COLEC12: variants seen among roughly 807,000 people sequenced by gnomAD.
COLEC12 encodes the protein collectin-12.
Under a neutral mutation model 71.1 loss-of-function variants are expected in COLEC12, and 33 were observed. That is an observed-to-expected ratio of 0.46 (90% confidence interval 0.35 to 0.62). The LOEUF is 0.62. Among genes scored for constraint, COLEC12 ranks in the 20% least tolerant of loss-of-function variants. The pLI is 0.00. For missense variants in COLEC12, 765 were observed against 916.1 expected (o/e 0.84, Z 2.13); for synonymous variants, 350 against 353.0 (o/e 0.99, Z 0.10).
At chr18:386,203 T>C (rs17452998) in intron 2 of COLEC12, among the ~76,000 whole-genome samples, 21,122 of 152,232 alleles carry the variant, frequency 0.14, 1,568 homozygotes, top group Admixed American at 0.2. Context: ...CCTTAGATTA[T>C]GTCCCTTTGA....
intron 2 of COLEC12, among the ~76,000 whole-genome samples, chr18:378,437 C>T (rs1915160339): frequency 2.0e-5 from 3 of 152,324 alleles, no homozygotes; most frequent in South Asian, 4.1e-4. Flanking sequence ...GGAGACTATT[C>T]TTCCATTCTT....
At chr18:413,836 C>T (rs1339539119) in intron 2 of COLEC12, among the ~76,000 whole-genome samples, 1 of 152,186 alleles carries the variant, frequency 6.6e-6, no homozygotes, top group Non-Finnish European at 1.5e-5. Flanking sequence ...AGTACTAATA[C>T]ATGCAACAGT....
At chr18:324,569 C>G (rs1346425614) in intron 8 of COLEC12, among the ~76,000 whole-genome samples, 3 of 152,062 alleles carry the variant, frequency 2.0e-5, no homozygotes, top group Admixed American at 1.3e-4. Context: ...TGGCTCACAC[C>G]TGTAATCCCA....
At chr18:406,371 C>T (rs34837868) in intron 2 of COLEC12, among the ~76,000 whole-genome samples, 21,366 of 151,370 alleles carry the variant, frequency 0.14, 2,003 homozygotes, top group East Asian at 0.32. Flanking sequence ...TAGCCAGGCG[C>T]GGTGGCGGGC....
intron 5 of COLEC12, among the ~76,000 whole-genome samples, chr18:338,338 A>G (rs1229146893): frequency 1.3e-5 from 2 of 152,212 alleles, no homozygotes; most frequent in East Asian, 3.8e-4. Context: ...ATACATGCGC[A>G]TCATGGTTAA....
At chr18:418,423 C>T (rs1207772507) in intron 2 of COLEC12, among the ~76,000 whole-genome samples, 1 of 152,172 alleles carries the variant, frequency 6.6e-6, no homozygotes, top group East Asian at 1.9e-4. Context: ...CTAACTCAAT[C>T]CTGGGTCTGT....
chr18:360,659 A>G (rs1914725584), intron 2 of COLEC12, among the ~76,000 whole-genome samples: 1 of 152,136 alleles, frequency 6.6e-6, no homozygotes, highest in Non-Finnish European at 1.5e-5. Flanking sequence ...GGGAGGAGCT[A>G]AGATTCTACA....
chr18:466,683 G>A (rs1412619205), intron 2 of COLEC12, among the ~76,000 whole-genome samples: 1 of 152,200 alleles, frequency 6.6e-6, no homozygotes, highest in Admixed American at 6.5e-5. Context: ...CTGAGGAATT[G>A]TTCCAGGTAC....
At chr18:486,387 G>T (rs554791837) in intron 1 of COLEC12, among the ~76,000 whole-genome samples, 1 of 152,304 alleles carries the variant, frequency 6.6e-6, no homozygotes, top group African/African-American at 2.4e-5. Context: ...GTTTTGCCAT[G>T]TTGGTCAGGC....
In COLEC12 at chr18:484,805, C is replaced by T. The variant is rs553456927; in HGVS notation, c.8-4048G>A. On this transcript the variant is annotated intron_variant, in intron 1 of 9. Transcript: ENST00000400256. ...TTCAGGGCAGAAAAAGCTTGGTGCACAGTTTACTCGCTTAGGTGTTCCCCC... is the reference window on the plus strand; with the variant it reads ...TTCAGGGCAGAAAAAGCTTGGTGCATAGTTTACTCGCTTAGGTGTTCCCCC... Among the ~76,000 whole-genome samples the T allele has an allele frequency of 2.0e-5, 3 of 152,312 alleles. No individual in the cohort carries two copies. In the South Asian group the frequency reaches 6.2e-4, roughly 32 times the overall value.
rs371339317 is a variant in COLEC12, at chr18:329,767, CAT to C, written c.2063+1899_2063+1900del. Among the ~76,000 whole-genome samples the C allele has an allele frequency of 1.8e-3, 271 of 152,334 alleles. 2 individuals carry two copies. The highest frequency in any genetic ancestry group is 5.6e-3 in the South Asian group (27 of 4,824). On this transcript the variant is annotated intron_variant, in intron 8 of 9. Coordinates refer to ENST00000400256, the MANE Select transcript of COLEC12 (RefSeq NM_130386.3). The stretch of plus-strand genomic sequence containing the variant: ...AATGTTCCAAATCAATATTTCGCCA[CAT>C]GTTTATTTTTTATAAAGAGCTGGCC...
At chr18:378,873 C>A (rs978514339) in intron 2 of COLEC12, among the ~76,000 whole-genome samples, 18 of 152,178 alleles carry the variant, frequency 1.2e-4, no homozygotes, top group African/African-American at 3.6e-4. Flanking sequence ...CTGCCATCCC[C>A]CTCATTCTCA....
chr18:474,411 C>A (rs118031788), intron 2 of COLEC12, among the ~76,000 whole-genome samples: 1 of 152,304 alleles, frequency 6.6e-6, no homozygotes, highest in East Asian at 1.9e-4. Context: ...AGATCATAAT[C>A]ACATGGAATG....
intron 8 of COLEC12, among the ~76,000 whole-genome samples, chr18:326,909 G>C (rs1403962351): frequency 1.3e-5 from 2 of 152,174 alleles, no homozygotes; most frequent in Non-Finnish European, 2.9e-5. Context: ...AGTTAGGGTT[G>C]CTATGTTCTA....
At chr18:445,628 T>TA (rs1916631165) in intron 2 of COLEC12, among the ~76,000 whole-genome samples, 4 of 92,554 alleles carry the variant, frequency 4.3e-5, no homozygotes, top group Non-Finnish European at 6.1e-5. Context: ...AGAAAACCAC[T>TA]AATCCACTTT....
intron 2 of COLEC12, among the ~76,000 whole-genome samples, chr18:394,576 G>A (rs1447696915): frequency 6.6e-6 from 1 of 152,220 alleles, no homozygotes; most frequent in African/African-American, 2.4e-5. Context: ...TTTTGACCTT[G>A]AAGGTTTCCC....
chr18:356,329 C>G (rs1455067422), intron 3 of COLEC12, among the ~76,000 whole-genome samples: 4 of 152,108 alleles, frequency 2.6e-5, no homozygotes, highest in Non-Finnish European at 5.9e-5. Context: ...TGGAGCCATG[C>G]AGAAGACATA....
chr18:409,311 C>T (rs987777656), intron 2 of COLEC12, among the ~76,000 whole-genome samples: 2 of 152,170 alleles, frequency 1.3e-5, no homozygotes, highest in African/African-American at 4.8e-5. Flanking sequence ...GAGGCCGAGG[C>T]GGGCAGATCA....
chr18:320,932 C>CT (rs34569457), intron 9 of COLEC12, among the ~76,000 whole-genome samples: 3 of 152,236 alleles, frequency 2.0e-5, no homozygotes, highest in African/African-American at 7.2e-5. Flanking sequence ...CCATCTCCCT[C>CT]TATTATGTAT....
Sources: gnomAD v4.1 joint callset for allele counts (sites outside exome capture counted in the v4.1 genomes callset) on GRCh38, gnomAD v4.1.1 for gene constraint, MANE v1.5 for transcripts, NCBI Gene and HGNC (gene_info 2026-07-23, HGNC 2026-07-21) for gene names.